RAB11FIP1: variants seen among roughly 807,000 people sequenced by gnomAD.
The protein encoded by RAB11FIP1 is RAB11 family interacting protein 1.
A neutral mutation model predicts 83.1 loss-of-function variants in RAB11FIP1; 49 were observed. That is an observed-to-expected ratio of 0.59 (90% CI 0.47 to 0.75). RAB11FIP1 has a LOEUF of 0.75. Ranked by LOEUF, RAB11FIP1 falls within the 30% of genes least tolerant of loss-of-function variation. The probability of loss-of-function intolerance (pLI) is 0.00; values close to 1 mark genes in which losing one functional copy is unlikely to be tolerated. For synonymous variants in RAB11FIP1, 670 were observed against 656.0 expected, an observed-to-expected ratio of 1.02 and a Z score of -0.33; for missense variants, 1,536 against 1,598.7, an observed-to-expected ratio of 0.96 and a Z score of 0.67.
At position 37,870,569 on chromosome 8, in the gene RAB11FIP1, T is replaced by C. The variant is rs369850719; in HGVS notation, c.3525-41A>G. On this transcript the variant is annotated intron_variant, in intron 4 of 5. Coordinates refer to ENST00000330843, the MANE Select transcript of RAB11FIP1 (RefSeq NM_001002814.3). ...AAAGGATCTTTAGACCCTCCGGTCA[T>C]GGCAAAACTGAGCAACTGCCCACTG... The C allele has an allele frequency of 1.4e-5, 16 of 1,123,608 alleles. No individual in the cohort carries two copies. In the African/African-American group the frequency reaches 2.5e-4, roughly 17 times the overall value. 69.6% of individuals were successfully genotyped at this position (1,123,608 alleles called of 1,614,324 possible). A position where few individuals can be genotyped will look rare whatever the true frequency, so the allele number is the denominator to read the frequency against.
rs568429667 is a variant in RAB11FIP1, at chr8:37,891,633, C to G, written c.371+7438G>C. On this transcript the variant is annotated intron_variant, in intron 1 of 5. Coordinates refer to ENST00000330843, the MANE Select transcript of RAB11FIP1 (RefSeq NM_001002814.3). ...GGAGTTACAGAAATACAATAGAAGT[C>G]TTTGTAACCAAAGGCAGTTTAAGTA... is the stretch of plus-strand genomic sequence containing the variant. Among the ~76,000 whole-genome samples the G allele has an allele frequency of 1.1e-4, 16 of 152,280 alleles. No homozygotes were observed. In the South Asian group the frequency reaches 3.3e-3, roughly 32 times the overall value.
intron 1 of RAB11FIP1, among the ~76,000 whole-genome samples, chr8:37,897,937 A>G (rs1459564413): frequency 6.6e-6 from 1 of 152,224 alleles, no homozygotes; most frequent in Non-Finnish European, 1.5e-5. Context: ...CCCGCATTGT[A>G]AAGGCGTTGC....
chr8:37,861,435 TCC>T lies in RAB11FIP1; in HGVS notation c.*1458_*1459del. On this transcript the variant is annotated 3_prime_UTR_variant, in exon 6 of 6. Transcript: ENST00000330843. ...CAGTATCCCACAAATAATTTGGGTT[TCC>T]TTTTGGGCAGGGAGAGAAAGTGTTC... The T allele has an allele frequency of 2.8e-6, 1 of 361,638 alleles. No homozygotes were observed. Among genetic ancestry groups the T allele is most frequent in the Non-Finnish European group, 5.4e-6 (1 of 186,674 alleles). 22.4% of individuals were successfully genotyped at this position (361,638 alleles called of 1,614,324 possible).
chr8:37,899,142 G>C lies in RAB11FIP1; in HGVS notation c.300C>G (p.Leu100=). The change falls in exon 1 of 6, where the codon CTC becomes CTG. Residue 100 remains leucine (L), a synonymous_variant. Transcript: ENST00000330843. This position sits in a 1 kb window ranked among gnomAD's most constrained non-coding sequence, Gnocchi z 4.5. The stretch of plus-strand genomic sequence containing the variant: ...CCTCGGCGCGGCCCAGGAACTTGTC[G>C]AGGCCGAGCAGCGCGCGGTGCAGCA... ...LTVLHRALLG[L]DKFLGRAEVD... 6.5e-7 allele frequency: 1 copy of C among 1,544,530 alleles called. No homozygotes were observed. Among genetic ancestry groups the C allele is most frequent in the Non-Finnish European group, 8.7e-7 (1 of 1,155,054 alleles).
At position 37,877,507 on chromosome 8, in the gene RAB11FIP1, C is replaced by T. The variant is rs779657281; in HGVS notation, c.416G>A (p.Arg139Gln). Residue 139 changes from arginine to glutamine, a missense_variant, in exon 2 of 6, where the codon CGA becomes CAA. Arg to Gln is a conservative substitution (Grantham distance 43). Coordinates refer to ENST00000330843, the MANE Select transcript of RAB11FIP1 (RefSeq NM_001002814.3). Reference protein sequence around the residue: ...KSKPGKKDKERGEIEVDIQFM... With the variant: ...KSKPGKKDKEQGEIEVDIQFM... ...CTGGATGTCAACCTCAATTTCTCCT[C>T]GCTCCTTGTCCTTCTTTCCTGGTTT... 3.2e-5 allele frequency: 51 copies of T among 1,611,616 alleles called. No homozygotes were observed. The highest frequency in any genetic ancestry group is 8.9e-5 in the East Asian group (4 of 44,880).
Position 37,872,847 on chromosome 8 carries a change from A to G in RAB11FIP1, c.1955T>C (p.Leu652Pro). 6.2e-7 allele frequency: 1 copy of G among 1,614,204 alleles called. No individual in the cohort carries two copies. Among genetic ancestry groups the G allele is most frequent in the African/African-American group, 1.3e-5 (1 of 75,042 alleles). The change falls in exon 4 of 6, where the codon CTG becomes CCG. Residue 652 changes from leucine (L) to proline (P), a missense_variant. Physicochemically the swap from Leu to Pro is moderately conservative, Grantham distance 98. Transcript: ENST00000330843. ...GGATGGCTGTTTGAAAAGTGATCCC[A>G]GGGCAGAAGAACCAGAATTTGGAAC... is the stretch of plus-strand genomic sequence containing the variant. The part of the protein sequence containing the change: ...TPVPNSGSSA[L>P]GSLFKQPSFP...
chr8:37,872,573 C>G lies in RAB11FIP1; in HGVS notation c.2229G>C (p.Glu743Asp). 6.2e-7 allele frequency: 1 copy of G among 1,614,260 alleles called. No homozygotes were observed. The highest frequency in any genetic ancestry group is 1.1e-5 in the South Asian group (1 of 91,086). The change falls in exon 4 of 6, where the codon GAG becomes GAC. Residue 743 changes from glutamate (E) to aspartate (D), a missense_variant. Physicochemically the swap from Glu to Asp is conservative, Grantham distance 45. Transcript: ENST00000330843. The stretch of plus-strand genomic sequence containing the variant: ...AGTCTCTGTCTCCTCCTGCTGCAAG[C>G]TCCCCAACAGGGCTCACAGCTCCAT... Reference protein sequence around the residue: ...SSDGAVSPVGELAAGGDRDLE... With the variant: ...SSDGAVSPVGDLAAGGDRDLE...
intron 5 of RAB11FIP1, among the ~76,000 whole-genome samples, chr8:37,866,878 C>G (rs1806351888): frequency 6.6e-6 from 1 of 152,178 alleles, no homozygotes; most frequent in Non-Finnish European, 1.5e-5. Context: ...CCCGTATTTA[C>G]CCAGAATGTT....
chr8:37,885,054 G>C (rs935695165), intron 1 of RAB11FIP1, among the ~76,000 whole-genome samples: 5 of 151,350 alleles, frequency 3.3e-5, no homozygotes, highest in South Asian at 4.2e-4. Context: ...GAGTGCAGTG[G>C]CGTGATCTCG....
chr8:37,875,743 C>T (rs774482792), intron 2 of RAB11FIP1, among the ~76,000 whole-genome samples: 2 of 152,000 alleles, frequency 1.3e-5, no homozygotes, highest in African/African-American at 2.4e-5. Context: ...ATCACAGGAA[C>T]TCAATAACTA....
At chr8:37,865,277 A>G (rs534076277) in intron 5 of RAB11FIP1, among the ~76,000 whole-genome samples, 41 of 151,444 alleles carry the variant, frequency 2.7e-4, no homozygotes, top group Non-Finnish European at 5.2e-4. Flanking sequence ...ATTAATTCCA[A>G]CACCTAACAT....
At chr8:37,873,263 A>G in intron 3 of RAB11FIP1, 84 bp from the exon 4 acceptor site, 1 of 1,424,380 alleles carries the variant, frequency 7.0e-7, no homozygotes, top group Non-Finnish European at 9.3e-7. Context: ...CAAGTCATTC[A>G]CCAGGGGAGA....
At chr8:37,871,192 G>A (rs750833144) in intron 4 of RAB11FIP1, 86 bp downstream of exon 4, 59 of 1,498,562 alleles carry the variant, frequency 3.9e-5, no homozygotes, top group Non-Finnish European at 5.2e-5. Context: ...AGACGTCTGT[G>A]TGGTTAGAAA....
intron 3 of RAB11FIP1, 97 bp downstream of exon 3, chr8:37,874,418 A>C: frequency 1.1e-6 from 1 of 937,224 alleles, no homozygotes; most frequent in Non-Finnish European, 1.7e-6. Flanking sequence ...TATGGGTACT[A>C]TGATATCATG....
At position 37,872,226 on chromosome 8, in the gene RAB11FIP1, G is replaced by C; in HGVS notation, c.2576C>G (p.Ala859Gly). ...SDGEPPESPHAEDSERESVTT... is the reference protein window; with the variant it reads ...SDGEPPESPHGEDSERESVTT... ...CACCGATTCCCTTTCTGAGTCCTCTGCGTGGGGAGACTCAGGAGGCTCTCC... is the reference window on the plus strand; with the variant it reads ...CACCGATTCCCTTTCTGAGTCCTCTCCGTGGGGAGACTCAGGAGGCTCTCC... Residue 859 changes from alanine to glycine, a missense_variant, in exon 4 of 6, where the codon GCA becomes GGA. Physicochemically the swap from Ala to Gly is moderately conservative, Grantham distance 60. Transcript: ENST00000330843. 1 of 1,614,084 alleles carries C rather than the reference G, an allele frequency of 6.2e-7. No homozygotes were observed. The highest frequency in any genetic ancestry group is 1.1e-5 in the South Asian group (1 of 91,072).
Position 37,874,728 on chromosome 8 carries a change from A to T in RAB11FIP1, c.1409T>A (p.Val470Asp). The T allele has an allele frequency of 1.9e-6, 3 of 1,613,934 alleles. No individual in the cohort carries two copies. The highest frequency in any genetic ancestry group is 2.5e-6 in the Non-Finnish European group (3 of 1,179,988). The change falls in exon 3 of 6, where the codon GTT (valine) becomes GAT (aspartate). Residue 470 changes from valine to aspartate, a missense_variant. Physicochemically the swap from Val to Asp is radical, Grantham distance 152. Transcript: ENST00000330843. ...CCCCGATGCGTCCTCCCCCGGCTTA[A>T]CCCCCATCAGCATGCCTTCCTTCTC... ...GREKEGMLMG[V>D]KPGEDASGPA...
intron 1 of RAB11FIP1, among the ~76,000 whole-genome samples, chr8:37,892,421 A>ATT (rs1318493835): frequency 7.5e-4 from 107 of 142,524 alleles, no homozygotes; most frequent in Middle Eastern, 3.6e-3. Context: ...CACTACTTTT[A>ATT]TTTATATTTA....
Position 37,899,101 on chromosome 8 carries a change from A to G in RAB11FIP1, c.341T>C (p.Leu114Pro), listed in dbSNP as rs1807157912. The change falls in exon 1 of 6, where the codon CTG (leucine) becomes CCG (proline). Residue 114 changes from leucine (L) to proline (P), a missense_variant. Transcript: ENST00000330843. The surrounding 1 kb of genome is among the most constrained non-coding windows in gnomAD (Gnocchi z 4.5). Reference protein sequence around the residue: ...LGRAEVDLRDLHRDQGRRKTQ... With the variant: ...LGRAEVDLRDPHRDQGRRKTQ... ...CTTCCTGCGGCCCTGGTCGCGGTGC[A>G]GATCCCGCAGGTCCACCTCGGCGCG... 6.6e-7 allele frequency: 1 copy of G among 1,526,218 alleles called. No individual in the cohort carries two copies. Among genetic ancestry groups the G allele is most frequent in the East Asian group, 2.6e-5 (1 of 38,758 alleles). 94.5% of individuals were successfully genotyped at this position (1,526,218 alleles called of 1,614,324 possible).
chr8:37,875,242 G>A lies in RAB11FIP1; in HGVS notation c.895C>T (p.Leu299Phe). ...GACCGAAGGCCACCAAGAAAGGAAA[G>A]TCCTTCCTTCTTGGGAAGGGTAAAG... The part of the protein sequence containing the change: ...VNFTLPKKEG[L>F]SFLGGLRSKN... Residue 299 changes from leucine (L) to phenylalanine (F), a missense_variant, in exon 3 of 6, where the codon CTT (leucine) becomes TTT (phenylalanine). Leu to Phe is a conservative substitution (Grantham distance 22, BLOSUM62 0). Transcript: ENST00000330843. 2 of 1,614,028 alleles carry A rather than the reference G, an allele frequency of 1.2e-6. No homozygotes were observed. Among genetic ancestry groups the A allele is most frequent in the African/African-American group, 2.7e-5 (2 of 75,002 alleles).
Sources: gnomAD v4.1 joint callset for allele counts (sites outside exome capture counted in the v4.1 genomes callset) on GRCh38, gnomAD v4.1.1 for gene constraint, Gnocchi (gnomAD v3.1) non-coding constraint, MANE v1.5 for transcripts, NCBI Gene and HGNC (gene_info 2026-07-23, HGNC 2026-07-21) for gene names.